FOXP2: variants seen among roughly 807,000 people sequenced by gnomAD.
FOXP2 encodes the protein forkhead box protein P2.
In FOXP2, 12 loss-of-function variants were observed where a neutral mutation model predicts 115.8. The ratio of observed to expected loss-of-function variants is 0.10; its 90% CI spans 0.07 to 0.17. The LOEUF (loss-of-function observed/expected upper bound fraction) is 0.17. Among genes scored for constraint, FOXP2 ranks in the 10% least tolerant of loss-of-function variants. The pLI is 1.00. For synonymous variants in FOXP2, 328 were observed against 297.7 expected (o/e 1.10, Z -1.05); for missense variants, 629 against 843.5 (o/e 0.75, Z 3.15).
chr7:114,492,615 T>G (rs529805714), intron 2 of FOXP2, among the ~76,000 whole-genome samples: 1 of 152,322 alleles, frequency 6.6e-6, no homozygotes, highest in South Asian at 2.1e-4. Flanking sequence ...TGTTGTGTCT[T>G]TGTTCTCGTT....
chr7:114,432,738 T>C (rs1420504746), intron 2 of FOXP2, among the ~76,000 whole-genome samples: 2 of 151,974 alleles, frequency 1.3e-5, no homozygotes, highest in African/African-American at 4.8e-5. Context: ...AACTTTTTAC[T>C]GTTTTCAGTA....
intron 2 of FOXP2, among the ~76,000 whole-genome samples, chr7:114,450,817 G>A (rs1344305137): frequency 7.2e-5 from 11 of 152,116 alleles, no homozygotes; most frequent in Admixed American, 6.6e-4. Context: ...GAAGTACATA[G>A]AGGGATGCAT....
chr7:114,636,553 A>G (rs1805227991), intron 6 of FOXP2, among the ~76,000 whole-genome samples: 1 of 151,998 alleles, frequency 6.6e-6, no homozygotes, highest in African/African-American at 2.4e-5. Flanking sequence ...GCATCATAAT[A>G]TATACAATTA....
intron 2 of FOXP2, among the ~76,000 whole-genome samples, chr7:114,308,761 A>G (rs1797074651): frequency 6.6e-6 from 1 of 152,212 alleles, no homozygotes; most frequent in African/African-American, 2.4e-5. Context: ...GTCCATCTGT[A>G]GGTGGTCCGT....
At chr7:114,099,648 T>G (rs1247218515) in intron 1 of FOXP2, among the ~76,000 whole-genome samples, 4 of 152,138 alleles carry the variant, frequency 2.6e-5, no homozygotes, top group Non-Finnish European at 4.4e-5. Flanking sequence ...ATAAAGAAAC[T>G]GTGGTATATT....
intron 2 of FOXP2, among the ~76,000 whole-genome samples, chr7:114,455,726 AT>A (rs1486640470): frequency 6.6e-6 from 1 of 152,090 alleles, no homozygotes; most frequent in Non-Finnish European, 1.5e-5. Context: ...AATTTCCCAC[AT>A]TGCTTCAGAG....
At chr7:114,328,569 A>G (rs1238953402) in intron 2 of FOXP2, among the ~76,000 whole-genome samples, 1 of 152,146 alleles carries the variant, frequency 6.6e-6, no homozygotes, top group Non-Finnish European at 1.5e-5. Flanking sequence ...TCTGACTTAG[A>G]TGGACATGCA....
chr7:114,195,175 G>A (rs1479860449), intron 1 of FOXP2, among the ~76,000 whole-genome samples: 1 of 152,114 alleles, frequency 6.6e-6, no homozygotes, highest in Non-Finnish European at 1.5e-5. Context: ...ATAAGGAAAA[G>A]CAGAAGTGCA....
At chr7:114,475,587 A>G (rs974170651) in intron 2 of FOXP2, among the ~76,000 whole-genome samples, 1 of 152,010 alleles carries the variant, frequency 6.6e-6, no homozygotes, top group African/African-American at 2.4e-5. Flanking sequence ...GTCATTTTGA[A>G]TTACTCCAGG....
In FOXP2 at chr7:114,243,233, T is replaced by A. The variant is rs1334007543; in HGVS notation, c.-101-44786T>A. Among the ~76,000 whole-genome samples, 4 of 132,794 alleles carry A rather than the reference T, an allele frequency of 3.0e-5. No homozygotes were observed. The Admixed American group carries it at 3.2e-4, about 11-fold the overall frequency. 87.1% of individuals were successfully genotyped at this position (132,794 alleles called of 152,430 possible). A position where few individuals can be genotyped will look rare whatever the true frequency, so the allele number is the denominator to read the frequency against. On this transcript the variant is annotated intron_variant, in intron 1 of 17. Coordinates refer to the FOXP2 transcript ENST00000634411. ...ACTAGAGGGAGATAGCACAACACAC[T>A]GAAAATAAATGTTCTTAGCCATGAG...
intron 2 of FOXP2, among the ~76,000 whole-genome samples, chr7:114,295,539 G>A (rs185962324): frequency 4.9e-4 from 75 of 152,162 alleles, no homozygotes; most frequent in African/African-American, 1.7e-3. Context: ...GAATGTTTTC[G>A]TTTTTTTCCC....
intron 3 of FOXP2, among the ~76,000 whole-genome samples, chr7:114,598,004 C>T (rs1239872789): frequency 1.3e-5 from 2 of 152,082 alleles, no homozygotes; most frequent in Non-Finnish European, 2.9e-5. Flanking sequence ...ACTTCATATT[C>T]TTATATCCCT....
intron 3 of FOXP2, among the ~76,000 whole-genome samples, chr7:114,594,303 C>A (rs1200464022): frequency 2.0e-5 from 3 of 152,116 alleles, no homozygotes; most frequent in African/African-American, 7.2e-5. Context: ...ATGAGAGGTT[C>A]TATTTAGGTG....
At chr7:114,487,506 C>T (rs758502322) in intron 2 of FOXP2, among the ~76,000 whole-genome samples, 1 of 152,204 alleles carries the variant, frequency 6.6e-6, no homozygotes, top group Non-Finnish European at 1.5e-5. Flanking sequence ...ATTACTTATG[C>T]AAACTTCTGC....
chr7:114,596,852 G>T (rs1802740792), intron 3 of FOXP2, among the ~76,000 whole-genome samples: 1 of 152,014 alleles, frequency 6.6e-6, no homozygotes, highest in African/African-American at 2.4e-5. Context: ...TATCCTAGGA[G>T]CACAGTCTTG....
chr7:114,263,514 T>A lies in FOXP2; in HGVS notation c.-101-24505T>A, dbSNP rs547183320. Among the ~76,000 whole-genome samples the A allele has an allele frequency of 6.6e-5, 10 of 151,592 alleles. No homozygotes were observed. The South Asian group carries it at 1.5e-3, about 22-fold the overall frequency. ...CGTTTCCCAGACTGGTGTTTAGTGC[T>A]GTGATCATAGCTCACTGTAACCTTG... On this transcript the variant is annotated intron_variant, in intron 1 of 17. Coordinates refer to the FOXP2 transcript ENST00000634411.
At chr7:114,370,883 A>G (rs1242762341) in intron 2 of FOXP2, among the ~76,000 whole-genome samples, 1 of 152,168 alleles carries the variant, frequency 6.6e-6, no homozygotes, top group East Asian at 1.9e-4. Flanking sequence ...GATAGTTTTG[A>G]TTTTAATGAA....
chr7:114,370,906 G>A (rs1002478420), intron 2 of FOXP2, among the ~76,000 whole-genome samples: 1 of 152,246 alleles, frequency 6.6e-6, no homozygotes, highest in African/African-American at 2.4e-5. Context: ...AAAGAATTTA[G>A]TGTAAAACTG....
chr7:114,432,549 A>G (rs1019308635), intron 2 of FOXP2, among the ~76,000 whole-genome samples: 3 of 152,040 alleles, frequency 2.0e-5, no homozygotes, highest in African/African-American at 7.2e-5. Context: ...TCTTTAAATT[A>G]CATTTTTTAA....
Sources: allele counts gnomAD v4.1 joint callset (sites outside exome capture counted in the v4.1 genomes callset), GRCh38; gene constraint gnomAD v4.1.1; transcripts MANE v1.5; gene names NCBI Gene and HGNC (gene_info 2026-07-23, HGNC 2026-07-21).